FHIT: variants seen among roughly 807,000 people sequenced by gnomAD.
FHIT encodes the protein bis(5'-adenosyl)-triphosphatase.
In FHIT, 19 loss-of-function variants were observed where a neutral mutation model predicts 17.9. The ratio of observed to expected loss-of-function variants is 1.06; its 90% CI spans 0.74 to 1.56. FHIT has a LOEUF of 1.56. Among genes scored for constraint, FHIT ranks in the 40% most tolerant of loss-of-function variants. The pLI is 0.00. For missense variants in FHIT, 248 were observed against 189.2 expected (o/e 1.31, Z -1.82); for synonymous variants, 81 against 69.7 (o/e 1.16, Z -0.81).
intron 9 of FHIT, chr3:59,751,896 G>C (rs1324501979): frequency 3.6e-6 from 1 of 278,240 alleles, no homozygotes; most frequent in Non-Finnish European, 6.7e-6. Flanking sequence ...TTTTAAACAA[G>C]AAGTTGTGCA....
chr3:60,462,243 A>G (rs553444656), intron 5 of FHIT, among the ~76,000 whole-genome samples: 3 of 152,184 alleles, frequency 2.0e-5, no homozygotes, highest in Non-Finnish European at 4.4e-5. Context: ...TCTAATATCA[A>G]CTCATTTACT....
intron 8 of FHIT, among the ~76,000 whole-genome samples, chr3:59,854,367 C>A (rs149901176): frequency 6.6e-6 from 1 of 152,240 alleles, no homozygotes; most frequent in African/African-American, 2.4e-5. Flanking sequence ...CGGTATTGTG[C>A]TTACGTCGCA....
intron 5 of FHIT, among the ~76,000 whole-genome samples, chr3:60,065,016 G>A (rs1278424243): frequency 6.6e-6 from 1 of 152,104 alleles, no homozygotes; most frequent in Non-Finnish European, 1.5e-5. Context: ...TGGCCTCAAA[G>A]GCACTATGAC....
At chr3:60,104,130 G>T (rs1346675661) in intron 5 of FHIT, among the ~76,000 whole-genome samples, 1 of 152,098 alleles carries the variant, frequency 6.6e-6, no homozygotes, top group African/African-American at 2.4e-5. Context: ...TCATTTTGGG[G>T]AGGAAAAAAA....
intron 8 of FHIT, among the ~76,000 whole-genome samples, chr3:59,798,728 A>G (rs1479553612): frequency 3.3e-5 from 5 of 152,254 alleles, no homozygotes; most frequent in African/African-American, 9.6e-5. Flanking sequence ...GACCATGGGC[A>G]GGTTAGCTCC....
chr3:60,460,969 T>C (rs1048283784), intron 5 of FHIT, among the ~76,000 whole-genome samples: 11 of 152,198 alleles, frequency 7.2e-5, no homozygotes, highest in African/African-American at 2.2e-4. Context: ...TTAAAGGAAA[T>C]ATATTTTAAG....
chr3:60,818,041 A>T (rs2106750628), intron 4 of FHIT, among the ~76,000 whole-genome samples: 1 of 152,206 alleles, frequency 6.6e-6, no homozygotes, highest in East Asian at 1.9e-4. Context: ...CAGTTGCTGT[A>T]AGTATACTCA....
At chr3:60,062,929 GAGA>G (rs1351153696) in intron 5 of FHIT, among the ~76,000 whole-genome samples, 1 of 152,128 alleles carries the variant, frequency 6.6e-6, no homozygotes, top group African/African-American at 2.4e-5. Context: ...TCCAGTAGGA[GAGA>G]AGAAGTGAAA....
chr3:60,267,458 T>C (rs1227439788), intron 5 of FHIT, among the ~76,000 whole-genome samples: 2 of 152,120 alleles, frequency 1.3e-5, no homozygotes, highest in African/African-American at 4.8e-5. Context: ...AATATGATTT[T>C]TGTCATAATA....
intron 5 of FHIT, among the ~76,000 whole-genome samples, chr3:60,033,465 G>A (rs1701086308): frequency 6.6e-6 from 1 of 151,488 alleles, no homozygotes; most frequent in South Asian, 2.1e-4. Context: ...TTGCACTCCA[G>A]CCTAGGCAAC....
At chr3:60,205,960 A>AAAAAAAAT (rs1282503134) in intron 5 of FHIT, among the ~76,000 whole-genome samples, 1 of 149,690 alleles carries the variant, frequency 6.7e-6, no homozygotes, top group East Asian at 2.0e-4. Flanking sequence ...TACAAAAATA[A>AAAAAAAAT]AAAAAAATAA....
chr3:60,363,061 GA>G (rs1699966478), intron 5 of FHIT, among the ~76,000 whole-genome samples: 2 of 152,188 alleles, frequency 1.3e-5, no homozygotes, highest in Admixed American at 1.3e-4. Context: ...AGCTGAATGA[GA>G]GACAGGTAAA....
At chr3:60,605,661 T>C (rs1358821337) in intron 4 of FHIT, among the ~76,000 whole-genome samples, 1 of 152,218 alleles carries the variant, frequency 6.6e-6, no homozygotes, top group East Asian at 1.9e-4. Flanking sequence ...CCAGGAGTTC[T>C]TCTCAATCCA....
chr3:59,928,659 A>G (rs80236846), intron 7 of FHIT, among the ~76,000 whole-genome samples: 13,634 of 152,282 alleles, frequency 0.09, 736 homozygotes, highest in South Asian at 0.14. Context: ...GCCCAAAACC[A>G]CAAAGACAAT....
At chr3:59,935,071 C>A (rs1035013513) in intron 7 of FHIT, among the ~76,000 whole-genome samples, 1 of 152,050 alleles carries the variant, frequency 6.6e-6, no homozygotes, top group African/African-American at 2.4e-5. Context: ...CAGGTAGAAC[C>A]CTGGGAAGAC....
intron 7 of FHIT, among the ~76,000 whole-genome samples, chr3:59,994,361 C>G (rs3821484): frequency 0.17 from 26,295 of 152,102 alleles, 2,429 homozygotes; most frequent in South Asian, 0.28. Context: ...CTCAATCCAT[C>G]TGCAGAGAAA....
intron 4 of FHIT, among the ~76,000 whole-genome samples, chr3:60,561,090 T>C (rs2036928571): frequency 6.6e-6 from 1 of 152,014 alleles, no homozygotes; most frequent in South Asian, 2.1e-4. Context: ...TCTCTATCTC[T>C]AGTATTTAAG....
intron 5 of FHIT, among the ~76,000 whole-genome samples, chr3:60,175,489 G>A (rs1468935012): frequency 1.3e-5 from 2 of 152,102 alleles, no homozygotes; most frequent in Admixed American, 6.5e-5. Flanking sequence ...TATAGGGTAG[G>A]AGGGAAGAAA....
At chr3:60,633,814 C>T (rs1175872546) in intron 4 of FHIT, among the ~76,000 whole-genome samples, 3 of 152,148 alleles carry the variant, frequency 2.0e-5, no homozygotes, top group Admixed American at 1.3e-4. Context: ...TCCATCTGCG[C>T]GATTTAACCA....
Sources: gnomAD v4.1 joint callset for allele counts (sites outside exome capture counted in the v4.1 genomes callset) on GRCh38, gnomAD v4.1.1 for gene constraint, MANE v1.5 for transcripts, NCBI Gene and HGNC (gene_info 2026-07-23, HGNC 2026-07-21) for gene names.